The following JAM2 variants were observed in gnomAD, a reference collection of about 807,000 sequenced individuals.
JAM2 encodes junctional adhesion molecule 2.
A neutral mutation model predicts 42.0 loss-of-function variants in JAM2; 17 were observed. That is an observed-to-expected ratio of 0.40 (90% CI 0.28 to 0.61). JAM2 has a LOEUF of 0.61. JAM2 is among the 20% of genes least tolerant of loss of function. The pLI is 0.37. For synonymous variants in JAM2, 118 were observed against 128.6 expected (o/e 0.92, Z 0.56); for missense variants, 319 against 358.3 (o/e 0.89, Z 0.89).
chr21:25,717,511 TC>T lies in JAM2; in HGVS notation c.*2841del, dbSNP rs370416675. 8 of 1,045,832 alleles carry T rather than the reference TC, an allele frequency of 7.6e-6. No individual in the cohort carries two copies. In the African/African-American group the frequency reaches 1.3e-4, roughly 17 times the overall value. 64.8% of individuals were successfully genotyped at this position (1,045,832 alleles called of 1,614,324 possible). Reference sequence around the variant, plus strand: ...TTTCAATACAACTTTGCAAAGAACTTCCTTTTTCCACAGGTGGCTTTGTTCG... The same window carrying T: ...TTTCAATACAACTTTGCAAAGAACTTCTTTTTCCACAGGTGGCTTTGTTCG... On this transcript the variant is annotated 3_prime_UTR_variant, in exon 10 of 10. Transcript: ENST00000480456.
chr21:25,679,261 C>T (rs73897027), intron 1 of JAM2, among the ~76,000 whole-genome samples: 9,808 of 152,256 alleles, frequency 0.064, 512 homozygotes, highest in African/African-American at 0.13. Flanking sequence ...ATTTCTCTCT[C>T]CTTTCCAGGA....
intron 1 of JAM2, among the ~76,000 whole-genome samples, chr21:25,642,517 T>A (rs1462276858): frequency 6.6e-6 from 1 of 152,240 alleles, no homozygotes; most frequent in Non-Finnish European, 1.5e-5. Flanking sequence ...AATATCATGC[T>A]TACTCCCTTC....
chr21:25,693,732 A>G (rs1358231205), intron 3 of JAM2, 24 bp from the exon 4 acceptor site: 1 of 1,597,760 alleles, frequency 6.3e-7, no homozygotes, highest in African/African-American at 1.3e-5. Flanking sequence ...TATTACTAAC[A>G]TCAATGTCTT....
chr21:25,684,146 A>G (rs1216820458), intron 2 of JAM2, among the ~76,000 whole-genome samples, 198 bp downstream of exon 2: 2 of 152,204 alleles, frequency 1.3e-5, no homozygotes, highest in Non-Finnish European at 2.9e-5. Context: ...GATATTCAAT[A>G]AAAGACCGGA....
chr21:25,693,930 GACT>G (rs764888250), intron 4 of JAM2, 22 bp downstream of exon 4: 1 of 1,609,664 alleles, frequency 6.2e-7, no homozygotes, highest in Non-Finnish European at 8.5e-7. Context: ...GTATGTGTGT[GACT>G]ACGTCTCCCA....
At position 25,689,853 on chromosome 21, in the gene JAM2, T is replaced by C. The variant is rs368162912; in HGVS notation, c.134-13T>C. 5.3e-6 allele frequency: 8 copies of C among 1,523,008 alleles called. No individual in the cohort carries two copies. The highest frequency in any genetic ancestry group is 3.4e-5 in the Admixed American group (2 of 58,136). The allele number at this position is 1,523,008 out of a possible 1,614,324, so 94.3% of individuals were successfully genotyped here. A position where few individuals can be genotyped will look rare whatever the true frequency, so the allele number is the denominator to read the frequency against. On this transcript the variant is annotated splice_polypyrimidine_tract_variant and intron_variant, in intron 2 of 9. Transcript: ENST00000480456. ...GACAATTAGAAAACAAGTATTTTTA[T>C]TGTTGTTCCTAGAGGCTATTTTAGC...
chr21:25,639,857 G>T lies in JAM2; in HGVS notation c.36G>T (p.Leu12=). 6.3e-7 allele frequency: 1 copy of T among 1,595,030 alleles called. No homozygotes were observed. Among genetic ancestry groups the T allele is most frequent in the Non-Finnish European group, 8.5e-7 (1 of 1,172,366 alleles). ...GGAGCCGCCACCGCCTCCTCCTGCT[G>T]CTGCTGCGCTACCTGGTGGTCGCCC... is the stretch of plus-strand genomic sequence containing the variant. ...ARRSRHRLLL[L]LLRYLVVALG... is the part of the protein sequence containing the mutation. The change falls in exon 1 of 10, where the codon CTG becomes CTT. Residue 12 remains leucine, a synonymous_variant. Transcript: ENST00000480456.
At chr21:25,696,115 C>T (rs1183135954) in intron 4 of JAM2, among the ~76,000 whole-genome samples, 5 of 152,356 alleles carry the variant, frequency 3.3e-5, no homozygotes, top group African/African-American at 9.6e-5. Context: ...ACTGAGTGAA[C>T]GAGACTCCGT....
intron 1 of JAM2, among the ~76,000 whole-genome samples, chr21:25,672,132 T>C (rs935637127): frequency 6.6e-6 from 1 of 151,898 alleles, no homozygotes; most frequent in Non-Finnish European, 1.5e-5. Context: ...TTTTTTTTTG[T>C]TGAGGTGGGG....
At chr21:25,666,310 C>T (rs8132658) in intron 1 of JAM2, among the ~76,000 whole-genome samples, 59,426 of 149,488 alleles carry the variant, frequency 0.4, 13,709 homozygotes, top group East Asian at 0.63. Context: ...TACATTGTTA[C>T]GGCTTTTATT....
At chr21:25,693,987 C>A in intron 4 of JAM2, 79 bp downstream of exon 4, 2 of 1,355,260 alleles carry the variant, frequency 1.5e-6, no homozygotes, top group South Asian at 1.4e-5. Context: ...AAGCACTGGT[C>A]CATAAACATG....
At chr21:25,682,943 G>A (rs1312953447) in intron 1 of JAM2, among the ~76,000 whole-genome samples, 3 of 151,918 alleles carry the variant, frequency 2.0e-5, no homozygotes, top group Non-Finnish European at 4.4e-5. Context: ...CTGTTGTTCC[G>A]CCATTTGTCT....
At chr21:25,695,604 G>GC (rs907103821) in intron 4 of JAM2, among the ~76,000 whole-genome samples, 20 of 149,344 alleles carry the variant, frequency 1.3e-4, no homozygotes, top group Admixed American at 3.3e-4. Context: ...GGGCAGAGGC[G>GC]CCCCCCCACC....
chr21:25,709,459 C>A lies in JAM2; in HGVS notation c.821+10C>A. 1 of 1,449,064 alleles carries A rather than the reference C, an allele frequency of 6.9e-7. No homozygotes were observed. Among genetic ancestry groups the A allele is most frequent in the Non-Finnish European group, 9.6e-7 (1 of 1,044,996 alleles). 89.8% of individuals were successfully genotyped at this position (1,449,064 alleles called of 1,614,324 possible). A position where few individuals can be genotyped will look rare whatever the true frequency, so the allele number is the denominator to read the frequency against. On this transcript the variant is annotated intron_variant, in intron 8 of 9. Coordinates refer to ENST00000480456, the MANE Select transcript of JAM2 (RefSeq NM_021219.4). ...AAGAAACCTCCTTCCAGTAAGTATA[C>A]TTTCCTACAATGCATGTCTTTCTCC...
chr21:25,690,548 A>G (rs1488316309), intron 3 of JAM2, among the ~76,000 whole-genome samples: 1 of 151,754 alleles, frequency 6.6e-6, no homozygotes, highest in African/African-American at 2.4e-5. Context: ...AGGTCTCCCT[A>G]TGTTGCCCAG....
chr21:25,671,801 G>T (rs371584993), intron 1 of JAM2, among the ~76,000 whole-genome samples: 6 of 152,278 alleles, frequency 3.9e-5, no homozygotes, highest in South Asian at 2.1e-4. Flanking sequence ...GAGCCACTGC[G>T]CCCAGCAGAA....
chr21:25,690,575 TG>T (rs2033858055), intron 3 of JAM2, among the ~76,000 whole-genome samples: 1 of 152,164 alleles, frequency 6.6e-6, no homozygotes, highest in South Asian at 2.1e-4. Context: ...CTTGAACTCC[TG>T]GGCTCAACCC....
At chr21:25,652,998 A>G (rs1227162492) in intron 1 of JAM2, among the ~76,000 whole-genome samples, 5 of 152,198 alleles carry the variant, frequency 3.3e-5, no homozygotes, top group Non-Finnish European at 5.9e-5. Context: ...AGCTGAAGCA[A>G]TTGACCCTGT....
At chr21:25,681,761 T>TGAGG (rs2033636659) in intron 1 of JAM2, among the ~76,000 whole-genome samples, 3 of 151,218 alleles carry the variant, frequency 2.0e-5, no homozygotes, top group African/African-American at 7.4e-5. Context: ...GGTGGGTGGA[T>TGAGG]CAGGAGGTCA....
Sources: allele counts gnomAD v4.1 joint callset (sites outside exome capture counted in the v4.1 genomes callset), GRCh38; gene constraint gnomAD v4.1.1; transcripts MANE v1.5; gene names NCBI Gene and HGNC (gene_info 2026-07-23, HGNC 2026-07-21).